Variants in CDC45 observed in about 807,000 individuals in gnomAD.
CDC45 encodes cell division control protein 45 homolog.
Under a neutral mutation model 77.8 loss-of-function variants are expected in CDC45, and 54 were observed. The ratio of observed to expected loss-of-function variants is 0.69; its 90% confidence interval spans 0.56 to 0.87. The LOEUF is 0.87. CDC45 is among the 40% of genes least tolerant of loss of function. The pLI, the probability that CDC45 is intolerant of heterozygous loss-of-function variation, is 0.00. For synonymous variants in CDC45, 260 were observed against 272.1 expected (o/e 0.96, Z 0.44); for missense variants, 649 against 721.6 (o/e 0.90, Z 1.15).
At chr22:19,492,586 C>T (rs1191966363) in intron 5 of CDC45, among the ~76,000 whole-genome samples, 1 of 152,146 alleles carries the variant, frequency 6.6e-6, no homozygotes, top group East Asian at 1.9e-4. Context: ...TCTAACAACT[C>T]TGTCATCTTG....
At chr22:19,479,548 C>A (rs2032882853), upstream of CDC45, 1 of 566,742 alleles carries the variant, frequency 1.8e-6, no homozygotes, top group East Asian at 4.6e-5. Flanking sequence ...AAACCTATTG[C>A]AAACGTAAAT....
chr22:19,485,252 G>C (rs1269316765), intron 5 of CDC45, among the ~76,000 whole-genome samples: 2 of 152,200 alleles, frequency 1.3e-5, no homozygotes, highest in African/African-American at 4.8e-5. Context: ...TTTCCACTCT[G>C]ACTAATAAAC....
intron 5 of CDC45, among the ~76,000 whole-genome samples, chr22:19,490,520 AC>A (rs1331781731): frequency 6.6e-6 from 1 of 151,648 alleles, no homozygotes; most frequent in Non-Finnish European, 1.5e-5. Flanking sequence ...GACTACAGGC[AC>A]GTGCCACCAC....
intron 7 of CDC45, 49 bp from the exon 8 acceptor site, chr22:19,497,337 C>T (rs1042419209): frequency 6.4e-7 from 1 of 1,570,508 alleles, no homozygotes; most frequent in Non-Finnish European, 8.8e-7. Context: ...TGGCCCAGCC[C>T]CAGCACATGC....
intron 5 of CDC45, 99 bp downstream of exon 5, chr22:19,484,104 T>G: frequency 8.4e-7 from 1 of 1,190,866 alleles, no homozygotes; most frequent in East Asian, 2.5e-5. Context: ...CTGAGGGCAG[T>G]GGGAAGTGGA....
chr22:19,518,612 G>A (rs13447288), intron 17 of CDC45, among the ~76,000 whole-genome samples: 42 of 152,210 alleles, frequency 2.8e-4, no homozygotes, highest in Admixed American at 1.0e-3. Context: ...GTCTTCCCGG[G>A]GGGGAGTTCT....
chr22:19,505,599 A>G (rs993454745), intron 10 of CDC45, 118 bp downstream of exon 10: 2 of 1,208,902 alleles, frequency 1.7e-6, no homozygotes, highest in African/African-American at 1.5e-5. Flanking sequence ...CAGGTGGGGC[A>G]GGAAGTTTTG....
In CDC45 at chr22:19,495,983, G is replaced by A. The variant is rs761467311; in HGVS notation, c.545G>A (p.Arg182Lys). Residue 182 changes from arginine to lysine, a missense_variant and splice_region_variant, in exon 7 of 19, where the codon AGA (arginine) becomes AAA (lysine). Transcript: ENST00000263201. ...RQRREWEARR[R>K]DILFDYEQYE... ...ACCTGCATTTTATGTCATTACAGAA[G>A]AGACATCCTCTTTGACTACGAGCAG... 6.2e-7 allele frequency: 1 copy of A among 1,610,226 alleles called. No individual in the cohort carries two copies. The highest frequency in any genetic ancestry group is 8.5e-7 in the Non-Finnish European group (1 of 1,176,616).
At chr22:19,493,866 C>T (rs1161400649) in intron 5 of CDC45, among the ~76,000 whole-genome samples, 1 of 152,240 alleles carries the variant, frequency 6.6e-6, no homozygotes, top group Non-Finnish European at 1.5e-5. Context: ...AAACCTACCA[C>T]ATTATTCCAG....
chr22:19,511,817 G>A (rs1933529409), intron 13 of CDC45, among the ~76,000 whole-genome samples: 1 of 151,678 alleles, frequency 6.6e-6, no homozygotes. Context: ...TCATATCTAA[G>A]AAACCATTGC....
rs886442831 is a variant in CDC45 at position 19,514,862 on chromosome 22, C to T, written c.1331C>T (p.Pro444Leu). The change falls in exon 14 of 19, where the codon CCT (proline) becomes CTT (leucine). Residue 444 changes from proline to leucine, a missense_variant. Physicochemically the swap from Pro to Leu is moderately conservative, Grantham distance 98. Coordinates refer to ENST00000263201, the MANE Select transcript of CDC45 (RefSeq NM_003504.5). ...LCTNLVISQG[P>L]FLYCSLMEGT... Reference sequence around the variant, plus strand: ...ACCAACCTCGTCATCTCCCAGGGGCCTTTCCTGTACTGCTCTCTCATGGAG... The same window carrying T: ...ACCAACCTCGTCATCTCCCAGGGGCTTTTCCTGTACTGCTCTCTCATGGAG... 3 of 1,614,234 alleles carry T rather than the reference C, an allele frequency of 1.9e-6. No individual in the cohort carries two copies. The South Asian group carries it at 3.3e-5, about 18-fold the overall frequency.
intron 5 of CDC45, among the ~76,000 whole-genome samples, chr22:19,492,514 C>T (rs542004533): frequency 6.6e-6 from 1 of 152,132 alleles, no homozygotes; most frequent in Admixed American, 6.5e-5. Flanking sequence ...TTGTTTCAAT[C>T]GTTTGTCATT....
chr22:19,489,404 A>G lies in CDC45; in HGVS notation c.487-4923A>G, dbSNP rs572771273. Among the ~76,000 whole-genome samples, 4 of 151,842 alleles carry G rather than the reference A, an allele frequency of 2.6e-5. No individual in the cohort carries two copies. In the South Asian group the frequency reaches 8.3e-4, roughly 32 times the overall value. Reference sequence around the variant, plus strand: ...CTGTTGCCCTTTTATAGCCACACCCACTTGTCTGCTGCCTGGTAACCACTA... The same window carrying G: ...CTGTTGCCCTTTTATAGCCACACCCGCTTGTCTGCTGCCTGGTAACCACTA... On this transcript the variant is annotated intron_variant, in intron 5 of 18. Transcript: ENST00000263201.
Position 19,480,204 on chromosome 22 carries a change from G to T in CDC45, c.98G>T (p.Cys33Phe). ...TCGGACGTGGATGCTCTGTGTGCGT[G>T]CAAGATCCTTCAGGTGAGTTCTGCG... ...VASDVDALCA[C>F]KILQALFQCD... Residue 33 changes from cysteine (C) to phenylalanine (F), a missense_variant, in exon 2 of 19, where the codon TGC becomes TTC. Transcript: ENST00000263201. 6.2e-7 allele frequency: 1 copy of T among 1,613,888 alleles called. No individual in the cohort carries two copies. The highest frequency in any genetic ancestry group is 8.5e-7 in the Non-Finnish European group (1 of 1,179,922).
intron 18 of CDC45, among the ~76,000 whole-genome samples, chr22:19,519,730 G>A (rs1238229926): frequency 1.3e-5 from 2 of 152,218 alleles, no homozygotes; most frequent in Non-Finnish European, 2.9e-5. Context: ...ATCCCTCCAG[G>A]GGCAAGCACC....
chr22:19,494,732 T>G (rs1390324592), intron 6 of CDC45: 21 of 763,472 alleles, frequency 2.8e-5, no homozygotes, highest in Non-Finnish European at 4.1e-5. Context: ...AAGGTTATTC[T>G]AGCTTGAAGT....
rs777900277 is a variant in CDC45, at chr22:19,508,524, T to G, written c.1056-6T>G. Reference sequence around the variant, plus strand: ...AGGGTGACAGCTGTGTTTGCTCCCATGACAGGATGAAGGACATGCGCGTGC... The same window carrying G: ...AGGGTGACAGCTGTGTTTGCTCCCAGGACAGGATGAAGGACATGCGCGTGC... On this transcript the variant is annotated splice_polypyrimidine_tract_variant and splice_region_variant and intron_variant, in intron 12 of 18. Transcript: ENST00000263201. The G allele has an allele frequency of 2.5e-6, 4 of 1,614,236 alleles. No individual in the cohort carries two copies. The highest frequency in any genetic ancestry group is 2.5e-6 in the Non-Finnish European group (3 of 1,180,038).
intron 13 of CDC45, among the ~76,000 whole-genome samples, chr22:19,511,487 C>T (rs1933509488): frequency 6.6e-6 from 1 of 152,028 alleles, no homozygotes; most frequent in African/African-American, 2.4e-5. Flanking sequence ...TGAGCTACCA[C>T]ACCTGCTAAT....
intron 13 of CDC45, among the ~76,000 whole-genome samples, chr22:19,510,929 A>C (rs1213218531): frequency 6.6e-6 from 1 of 152,186 alleles, no homozygotes; most frequent in African/African-American, 2.4e-5. Context: ...ACCTATTGAC[A>C]ATTATGACTA....
Sources: allele counts gnomAD v4.1 joint callset (sites outside exome capture counted in the v4.1 genomes callset), GRCh38; gene constraint gnomAD v4.1.1; transcripts MANE v1.5; gene names NCBI Gene and HGNC (gene_info 2026-07-23, HGNC 2026-07-21).